LSP1: variants seen among roughly 807,000 people sequenced by gnomAD.
The protein encoded by LSP1 is lymphocyte specific protein 1, also known as lymphocyte-specific protein 1.
Under a neutral mutation model 49.3 loss-of-function variants are expected in LSP1, and 32 were observed. The ratio of observed to expected loss-of-function variants is 0.65; its 90% CI spans 0.49 to 0.87. The LOEUF is 0.87. Among genes scored for constraint, LSP1 ranks in the 40% least tolerant of loss-of-function variants. The probability of loss-of-function intolerance (pLI) is 0.00; values close to 1 mark genes in which losing one functional copy is unlikely to be tolerated. For synonymous variants in LSP1, 179 were observed against 178.8 expected, an observed-to-expected ratio of 1.00 and a Z score of -0.01; for missense variants, 428 against 442.6, an observed-to-expected ratio of 0.97 and a Z score of 0.30.
At chr11:1,870,300 C>T (rs1847943538) in intron 1 of LSP1, 1 of 1,299,524 alleles carries the variant, frequency 7.7e-7, no homozygotes, top group African/African-American at 1.5e-5. Flanking sequence ...AAGCTTACTC[C>T]CATCCTGGGG....
chr11:1,881,637 G>C, intron 3 of LSP1, 41 bp downstream of exon 3: 1 of 1,422,802 alleles, frequency 7.0e-7, no homozygotes, highest in East Asian at 3.0e-5. Flanking sequence ...GCAGAGCAGG[G>C]CTCCCTCTGG....
chr11:1,865,613 T>TGC (rs1847764945), intron 1 of LSP1, among the ~76,000 whole-genome samples: 1 of 78,890 alleles, frequency 1.3e-5, no homozygotes, highest in African/African-American at 5.2e-5. Context: ...CTGTCACCCA[T>TGC]TCACACCATC....
Position 1,884,112 on chromosome 11 carries a change from C to T in LSP1, c.591+88C>T. ...ATCCCACATGCCAGCCACAGGAAGA[C>T]CAGGCCCAGGCCTGGCTTTTGTCTG... On this transcript the variant is annotated intron_variant, in intron 5 of 10. Transcript: ENST00000311604. The surrounding 1 kb of genome is among the most constrained non-coding windows in gnomAD (Gnocchi z 4.1). The T allele has an allele frequency of 6.8e-7, 1 of 1,460,626 alleles. No individual in the cohort carries two copies. The allele number at this position is 1,460,626 out of a possible 1,614,324, so 90.5% of individuals were successfully genotyped here.
At chr11:1,870,281 G>C in intron 1 of LSP1, 1 of 1,302,934 alleles carries the variant, frequency 7.7e-7, no homozygotes, top group Non-Finnish European at 1.0e-6. Context: ...GAGGCTCAGG[G>C]AGGCACCAAA....
chr11:1,868,226 G>T (rs1252334551), intron 1 of LSP1, among the ~76,000 whole-genome samples: 1 of 152,232 alleles, frequency 6.6e-6, no homozygotes. Context: ...AGGGCACCAG[G>T]CCGGCTGAGA....
At chr11:1,860,147 T>C (rs1175288723) in intron 1 of LSP1, among the ~76,000 whole-genome samples, 2 of 151,968 alleles carry the variant, frequency 1.3e-5, no homozygotes, top group Non-Finnish European at 2.9e-5. Flanking sequence ...CTTAGTTGCA[T>C]AAGAAAGGAA....
chr11:1,868,750 G>T (rs1158692717), intron 1 of LSP1: 1 of 985,882 alleles, frequency 1.0e-6, no homozygotes, highest in Non-Finnish European at 1.2e-6. Context: ...TGCAGGGACC[G>T]AGTGGCCCAG....
intron 1 of LSP1, among the ~76,000 whole-genome samples, chr11:1,879,877 G>T (rs1193696489): frequency 6.6e-6 from 1 of 152,160 alleles, no homozygotes; most frequent in East Asian, 1.9e-4. Context: ...CAGGACCCTC[G>T]CCTGGGCCAG....
At chr11:1,874,158 C>A (rs1022700872) in intron 1 of LSP1, among the ~76,000 whole-genome samples, 1 of 87,896 alleles carries the variant, frequency 1.1e-5, no homozygotes, top group Admixed American at 1.1e-4. Flanking sequence ...GGGGGCAGGC[C>A]GGGGACAGTG....
chr11:1,883,352 A>T (rs1848625233), intron 3 of LSP1, 67 bp from the exon 4 acceptor site: 1 of 1,575,430 alleles, frequency 6.3e-7, no homozygotes, highest in Non-Finnish European at 8.7e-7. Context: ...GAGGCTTGGA[A>T]AAAGGAAGGG....
In LSP1 at chr11:1,887,543, G is replaced by A. The variant is rs1187059148; in HGVS notation, c.1000G>A (p.Glu334Lys). The change falls in exon 10 of 11, where the codon GAA (glutamate) becomes AAA (lysine). Residue 334 changes from glutamate (E) to lysine (K), a missense_variant. Coordinates refer to ENST00000311604, the MANE Select transcript of LSP1 (RefSeq NM_002339.3). ...GHGKYEKVLVEGGPAP is the reference protein window; with the variant it reads ...GHGKYEKVLVKGGPAP ...TGGGAAGTATGAGAAGGTGCTTGTG[G>A]AAGGGGGCCCGGCTCCCTAGGCGTC... 1 of 1,613,790 alleles carries A rather than the reference G, an allele frequency of 6.2e-7. No homozygotes were observed. The highest frequency in any genetic ancestry group is 1.3e-5 in the African/African-American group (1 of 74,890).
chr11:1,876,899 C>G (rs910697747), intron 1 of LSP1, among the ~76,000 whole-genome samples: 1 of 152,126 alleles, frequency 6.6e-6, no homozygotes, highest in Admixed American at 6.5e-5. Context: ...CGAAGTGGAG[C>G]CTGGGACTGT....
intron 1 of LSP1, among the ~76,000 whole-genome samples, chr11:1,860,044 C>G (rs535153758): frequency 1.5e-3 from 223 of 152,276 alleles, no homozygotes; most frequent in African/African-American, 5.2e-3. Flanking sequence ...GATCCCTGCC[C>G]CTGTAGCCCC....
At chr11:1,881,690 C>A (rs1047387360) in intron 3 of LSP1, 94 bp downstream of exon 3, 15 of 1,374,990 alleles carry the variant, frequency 1.1e-5, no homozygotes, top group Non-Finnish European at 1.4e-5. Context: ...TCCCTCTGGA[C>A]CTCGAGGGCG....
chr11:1,886,121 A>G (rs1427474781), intron 7 of LSP1, among the ~76,000 whole-genome samples: 2 of 150,888 alleles, frequency 1.3e-5, no homozygotes, highest in African/African-American at 4.9e-5. Flanking sequence ...CTGCTCCTCC[A>G]TCCAGTCAAT....
intron 7 of LSP1, among the ~76,000 whole-genome samples, chr11:1,885,368 C>A (rs368390495): frequency 3.7e-4 from 56 of 152,286 alleles, no homozygotes; most frequent in African/African-American, 1.3e-3. Flanking sequence ...AATAGTCCTT[C>A]ATCCACCAAC....
At chr11:1,870,337 G>T in intron 1 of LSP1, 1 of 1,287,578 alleles carries the variant, frequency 7.8e-7, no homozygotes. Flanking sequence ...CGCAGCACCC[G>T]GGGACATACA....
At chr11:1,858,829 C>T (rs541438584) in intron 1 of LSP1, among the ~76,000 whole-genome samples, 3 of 152,314 alleles carry the variant, frequency 2.0e-5, no homozygotes, top group Non-Finnish European at 2.9e-5. Context: ...GCCTCCTAGC[C>T]GTGTCCCACC....
rs61751880 is a variant in LSP1, at chr11:1,883,506, G to A, written c.444G>A (p.Glu148=). The A allele has an allele frequency of 4.9e-3, 7,916 of 1,613,948 alleles. 26 individuals are homozygous for A. Among genetic ancestry groups the A allele is most frequent in the Non-Finnish European group, 6.2e-3 (7,273 of 1,179,998 alleles). ...LSLSKEGPGP[E]DTVQDNLGAA... Reference sequence around the variant, plus strand: ...TGAGCAAGGAGGGGCCAGGCCCAGAGGACACTGTCCAGGACAACCTGGGGG... The same window carrying A: ...TGAGCAAGGAGGGGCCAGGCCCAGAAGACACTGTCCAGGACAACCTGGGGG... The change falls in exon 4 of 11, where the codon GAG becomes GAA. Residue 148 remains glutamate, a synonymous_variant. Coordinates refer to ENST00000311604, the MANE Select transcript of LSP1 (RefSeq NM_002339.3).
Sources: allele counts gnomAD v4.1 joint callset (sites outside exome capture counted in the v4.1 genomes callset), GRCh38; gene constraint gnomAD v4.1.1; non-coding constraint Gnocchi (gnomAD v3.1); transcripts MANE v1.5; gene names NCBI Gene and HGNC (gene_info 2026-07-23, HGNC 2026-07-21).